The following ARAP2 variants were observed in gnomAD, a reference collection of about 807,000 sequenced individuals.
ARAP2 encodes ArfGAP with RhoGAP domain, ankyrin repeat and PH domain 2, also known as arf-GAP with Rho-GAP domain, ANK repeat and PH domain-containing protein 2.
ARAP2 carries 148 observed loss-of-function variants against 194.5 expected under a neutral mutation model. The observed-to-expected ratio is 0.76, with a 90% confidence interval of 0.67 to 0.87. ARAP2 has a LOEUF of 0.87. Ranked by LOEUF, ARAP2 falls within the 40% of genes least tolerant of loss-of-function variation. ARAP2 has a pLI of 0.00. For missense variants in ARAP2, 2,128 were observed against 1,989.7 expected (o/e 1.07, Z -1.32); for synonymous variants, 695 against 683.5 (o/e 1.02, Z -0.26).
intron 6 of ARAP2, among the ~76,000 whole-genome samples, chr4:36,198,363 A>G (rs1324621967): frequency 1.3e-5 from 2 of 152,332 alleles, no homozygotes; most frequent in Admixed American, 1.3e-4. Context: ...AAAAGGCACC[A>G]CAAGTTCCTA....
chr4:36,116,627 T>C (rs1019327501), intron 25 of ARAP2, among the ~76,000 whole-genome samples: 1 of 151,862 alleles, frequency 6.6e-6, no homozygotes, highest in Non-Finnish European at 1.5e-5. Context: ...GTAATAGTTA[T>C]TTATTAAACA....
chr4:36,119,901 T>C (rs527652883), intron 23 of ARAP2, among the ~76,000 whole-genome samples, 183 bp from the exon 24 acceptor site: 1 of 151,420 alleles, frequency 6.6e-6, no homozygotes, highest in South Asian at 2.1e-4. Context: ...TAGAGTATCC[T>C]AAAGTTCAAA....
At chr4:36,222,568 C>T (rs573715443) in intron 2 of ARAP2, among the ~76,000 whole-genome samples, 1 of 152,148 alleles carries the variant, frequency 6.6e-6, no homozygotes, top group Admixed American at 6.5e-5. Context: ...TATAACAATG[C>T]TATCGCATCT....
intron 26 of ARAP2, among the ~76,000 whole-genome samples, chr4:36,109,096 A>C (rs1719175685): frequency 6.6e-6 from 1 of 151,934 alleles, no homozygotes; most frequent in Non-Finnish European, 1.5e-5. Flanking sequence ...CATCCTCCCT[A>C]ATACTGGTTT....
intron 1 of ARAP2, among the ~76,000 whole-genome samples, chr4:36,060,826 C>T (rs1312348422): frequency 3.9e-5 from 6 of 152,128 alleles, no homozygotes; most frequent in Admixed American, 1.3e-4. Flanking sequence ...CTAATTTCCT[C>T]TTAGGACACC....
intron 2 of ARAP2, among the ~76,000 whole-genome samples, chr4:36,219,643 T>C (rs141285229): frequency 5.3e-5 from 8 of 152,216 alleles, no homozygotes; most frequent in Admixed American, 5.2e-4. Context: ...ATGTAAATTA[T>C]GTCTAGTTGA....
downstream of ARAP2, chr4:36,065,728 T>TA (rs750664385): frequency 1.9e-5 from 3 of 158,020 alleles, no homozygotes; most frequent in Non-Finnish European, 4.2e-5. Flanking sequence ...GAGATGCCTA[T>TA]AAACCAGGGG....
rs575091672 is a variant in ARAP2 at position 36,195,846 on chromosome 4, T to G, written c.1488-2199A>C. 1.4e-4 allele frequency among the ~76,000 whole-genome samples: 21 copies of G among 152,370 alleles called. No homozygotes were observed. The South Asian group carries it at 4.3e-3, about 32-fold the overall frequency. ...TTTATATATTTGCTTATTTGCTTAATGTTTGTCTCCCACACCAGGTCTTAT... is the reference window on the plus strand; with the variant it reads ...TTTATATATTTGCTTATTTGCTTAAGGTTTGTCTCCCACACCAGGTCTTAT... On this transcript the variant is annotated intron_variant, in intron 6 of 32. Coordinates refer to ENST00000303965, the MANE Select transcript of ARAP2 (RefSeq NM_015230.4).
At chr4:36,079,350 A>G (rs1728986406) in intron 31 of ARAP2, among the ~76,000 whole-genome samples, 1 of 152,184 alleles carries the variant, frequency 6.6e-6, no homozygotes, top group Non-Finnish European at 1.5e-5. Flanking sequence ...AAAAGTTAAT[A>G]CATTAAATGA....
chr4:36,137,861 C>A (rs180849790), intron 19 of ARAP2, among the ~76,000 whole-genome samples: 1 of 151,680 alleles, frequency 6.6e-6, no homozygotes. Flanking sequence ...ATTTCTGTTG[C>A]CTTTCTTCTT....
chr4:36,120,631 C>G (rs1722452441), intron 23 of ARAP2, among the ~76,000 whole-genome samples: 1 of 151,352 alleles, frequency 6.6e-6, no homozygotes. Context: ...TTCTTTGAAC[C>G]AAGAAATCAT....
chr4:36,180,364 C>A (rs367660959), intron 8 of ARAP2, among the ~76,000 whole-genome samples: 1 of 152,136 alleles, frequency 6.6e-6, no homozygotes, highest in South Asian at 2.1e-4. Context: ...TGTTATACAT[C>A]ATAAACCAAA....
intron 5 of ARAP2, among the ~76,000 whole-genome samples, chr4:36,042,593 T>C (rs927671888): frequency 6.6e-6 from 1 of 152,200 alleles, no homozygotes. Flanking sequence ...AATGTCTTTC[T>C]TTTACTTCCT....
intron 27 of ARAP2, among the ~76,000 whole-genome samples, chr4:36,093,040 A>T (rs1714154398): frequency 6.6e-6 from 1 of 152,140 alleles, no homozygotes; most frequent in African/African-American, 2.4e-5. Flanking sequence ...AAGGAATAAG[A>T]TCATGTCCTT....
At chr4:36,042,337 T>A (rs909544246) in intron 5 of ARAP2, among the ~76,000 whole-genome samples, 2 of 152,238 alleles carry the variant, frequency 1.3e-5, no homozygotes, top group Non-Finnish European at 2.9e-5. Context: ...AATAATATTA[T>A]GTGTTCTCGC....
chr4:36,032,166 A>G (rs1471485961), intron 5 of ARAP2, among the ~76,000 whole-genome samples: 5 of 152,238 alleles, frequency 3.3e-5, no homozygotes, highest in Non-Finnish European at 4.4e-5. Flanking sequence ...ACTCACTAAT[A>G]GGAAACATCA....
At chr4:36,202,168 C>T (rs933302061) in intron 6 of ARAP2, among the ~76,000 whole-genome samples, 5 of 152,070 alleles carry the variant, frequency 3.3e-5, no homozygotes, top group South Asian at 4.1e-4. Context: ...AATCTCCATA[C>T]GTATTTATTT....
intron 2 of ARAP2, among the ~76,000 whole-genome samples, chr4:36,217,563 A>T (rs1033928191): frequency 6.6e-6 from 1 of 152,032 alleles, no homozygotes; most frequent in Non-Finnish European, 1.5e-5. Flanking sequence ...AAAAATAAAA[A>T]ATAAAAATGA....
chr4:36,112,394 T>C (rs995207649), intron 26 of ARAP2, among the ~76,000 whole-genome samples: 1 of 151,928 alleles, frequency 6.6e-6, no homozygotes, highest in Non-Finnish European at 1.5e-5. Context: ...AAGAGACATT[T>C]CACTTAGACT....
Sources: allele counts gnomAD v4.1 joint callset (sites outside exome capture counted in the v4.1 genomes callset), GRCh38; gene constraint gnomAD v4.1.1; transcripts MANE v1.5; gene names NCBI Gene and HGNC (gene_info 2026-07-23, HGNC 2026-07-21).